Variants in ADCY5 observed in about 807,000 individuals in gnomAD.
ADCY5 encodes the protein adenylate cyclase type 5.
A neutral mutation model predicts 119.7 loss-of-function variants in ADCY5; 30 were observed. The ratio of observed to expected loss-of-function variants is 0.25; its 90% CI spans 0.19 to 0.34. ADCY5 has a LOEUF of 0.34. Among genes scored for constraint, ADCY5 ranks in the 10% least tolerant of loss-of-function variants. The probability of loss-of-function intolerance (pLI) is 1.00; values close to 1 mark genes in which losing one functional copy is unlikely to be tolerated. For synonymous variants in ADCY5, 753 were observed against 762.2 expected (o/e 0.99, Z 0.20); for missense variants, 1,324 against 1,775.2 (o/e 0.75, Z 4.57).
intron 1 of ADCY5, among the ~76,000 whole-genome samples, chr3:123,366,418 A>G (rs1267125381): frequency 6.6e-6 from 1 of 152,210 alleles, no homozygotes; most frequent in Admixed American, 6.5e-5. Flanking sequence ...TCATCTGCCA[A>G]GCTCAGGGCC....
intron 1 of ADCY5, among the ~76,000 whole-genome samples, chr3:123,384,873 G>T (rs1944165589): frequency 6.6e-6 from 1 of 152,118 alleles, no homozygotes; most frequent in South Asian, 2.1e-4. Context: ...CCCGGGAGAG[G>T]AAGGGGGACA....
chr3:123,322,818 A>G (rs951947748), intron 8 of ADCY5, among the ~76,000 whole-genome samples: 1 of 152,218 alleles, frequency 6.6e-6, no homozygotes, highest in Non-Finnish European at 1.5e-5. Flanking sequence ...AAGCTGGGTA[A>G]AAGCTGGAAA....
intron 17 of ADCY5, 65 bp downstream of exon 17, chr3:123,296,019 C>A: frequency 1.9e-6 from 3 of 1,592,848 alleles, no homozygotes; most frequent in South Asian, 1.1e-5. Context: ...AGCAGACGAG[C>A]CTGTTGTCTC....
intron 1 of ADCY5, among the ~76,000 whole-genome samples, chr3:123,399,334 C>T (rs1479667444): frequency 6.6e-6 from 1 of 152,188 alleles, no homozygotes; most frequent in African/African-American, 2.4e-5. Context: ...AAAAATACAG[C>T]TATGGAAAAA....
At chr3:123,444,047 G>A (rs1364576638) in intron 1 of ADCY5, among the ~76,000 whole-genome samples, 2 of 152,186 alleles carry the variant, frequency 1.3e-5, no homozygotes, top group African/African-American at 4.8e-5. Flanking sequence ...GTTTTTGTGT[G>A]AGTGCGTGCA....
chr3:123,330,381 C>T (rs1280512908), intron 5 of ADCY5, among the ~76,000 whole-genome samples: 2 of 152,218 alleles, frequency 1.3e-5, no homozygotes, highest in Non-Finnish European at 2.9e-5. Context: ...GGCCAAAGTG[C>T]CTTTTTGCTA....
At chr3:123,284,836 C>T in intron 20 of ADCY5, 100 bp from the exon 21 acceptor site, 13 of 1,506,402 alleles carry the variant, frequency 8.6e-6, no homozygotes, top group Non-Finnish European at 1.2e-5. Flanking sequence ...CTGTTGCCGC[C>T]CCTGACACAG....
chr3:123,338,049 G>A (rs1942100299), intron 3 of ADCY5, among the ~76,000 whole-genome samples: 1 of 152,208 alleles, frequency 6.6e-6, no homozygotes, highest in African/African-American at 2.4e-5. Flanking sequence ...CCAGGGACAT[G>A]GGGACATGAG....
chr3:123,441,992 A>AAG (rs1418465954), intron 1 of ADCY5, among the ~76,000 whole-genome samples: 3 of 151,474 alleles, frequency 2.0e-5, no homozygotes, highest in Non-Finnish European at 4.4e-5. Context: ...AAAAAAAAAA[A>AAG]AAAAGCAGGG....
At chr3:123,330,497 T>C (rs1026314028) in intron 5 of ADCY5, among the ~76,000 whole-genome samples, 3 of 152,190 alleles carry the variant, frequency 2.0e-5, no homozygotes, top group Non-Finnish European at 4.4e-5. Flanking sequence ...GAGCCCAACC[T>C]TTCACATCTG....
chr3:123,344,814 A>C (rs980484467), intron 3 of ADCY5, among the ~76,000 whole-genome samples: 9 of 152,232 alleles, frequency 5.9e-5, no homozygotes, highest in Non-Finnish European at 1.5e-5. Flanking sequence ...CTGATGTAAC[A>C]GGGAAAGAGG....
In ADCY5 at chr3:123,416,299, A is replaced by G; in HGVS notation, c.1134+31113T>C. 4.6e-6 allele frequency: 7 copies of G among 1,536,022 alleles called. No individual in the cohort carries two copies. The South Asian group carries it at 7.1e-5, about 16-fold the overall frequency. ...GGACTTACTTCCAGACGCTTCCCCAAAAAGGGGCTAAAGGCAATAACCTCC... is the reference window on the plus strand; with the variant it reads ...GGACTTACTTCCAGACGCTTCCCCAGAAAGGGGCTAAAGGCAATAACCTCC... On this transcript the variant is annotated intron_variant, in intron 1 of 20. Coordinates refer to ENST00000462833, the MANE Select transcript of ADCY5 (RefSeq NM_183357.3).
chr3:123,390,723 G>C (rs1449613182), intron 1 of ADCY5, among the ~76,000 whole-genome samples: 3 of 152,208 alleles, frequency 2.0e-5, no homozygotes, highest in Admixed American at 6.5e-5. Context: ...GGCCATCAAG[G>C]CTGCAGGTGC....
chr3:123,411,445 G>A (rs1057080736), intron 1 of ADCY5, among the ~76,000 whole-genome samples: 8 of 152,158 alleles, frequency 5.3e-5, no homozygotes, highest in African/African-American at 1.9e-4. Flanking sequence ...TCGGCACCTA[G>A]GGGAGGTAAC....
rs774125963 is a variant in ADCY5, at chr3:123,318,073, A to C, written c.2301T>G (p.Cys767Trp). 2 of 1,613,958 alleles carry C rather than the reference A, an allele frequency of 1.2e-6. No individual in the cohort carries two copies. The highest frequency in any genetic ancestry group is 8.5e-7 in the Non-Finnish European group (1 of 1,179,958). Residue 767 changes from cysteine (C) to tryptophan (W), a missense_variant, in exon 11 of 21, where the codon TGT (cysteine) becomes TGG (tryptophan). This residue lies in a region of ADCY5 where 424 missense variants were observed against 546.8 expected (regional missense o/e 0.78). Transcript: ENST00000462833. ...VDDRFGAYVACASLVFLFICF... is the reference protein window; with the variant it reads ...VDDRFGAYVAWASLVFLFICF... The stretch of plus-strand genomic sequence containing the variant: ...AGATGAAGAGGAAGACGAGCGAGGC[A>C]CACGCCACATAGGCACCAAATCGGT...
intron 12 of ADCY5, among the ~76,000 whole-genome samples, chr3:123,305,023 A>G (rs1940124164): frequency 6.6e-6 from 1 of 152,102 alleles, no homozygotes; most frequent in Non-Finnish European, 1.5e-5. Context: ...TCTGCTACAG[A>G]CAAGCTAGGT....
At chr3:123,419,258 C>T (rs1345480089) in intron 1 of ADCY5, 4 of 978,158 alleles carry the variant, frequency 4.1e-6, no homozygotes, top group African/African-American at 1.8e-5. Flanking sequence ...TCCACGCGCC[C>T]CCACAGGCCA....
At chr3:123,397,468 C>T (rs1038197079) in intron 1 of ADCY5, among the ~76,000 whole-genome samples, 1 of 152,228 alleles carries the variant, frequency 6.6e-6, no homozygotes, top group Admixed American at 6.5e-5. Flanking sequence ...AAGACTCTGT[C>T]TCTACAAAAA....
chr3:123,346,649 A>T (rs111837143), intron 3 of ADCY5, among the ~76,000 whole-genome samples: 1 of 94,904 alleles, frequency 1.1e-5, no homozygotes, highest in Non-Finnish European at 2.7e-5. Flanking sequence ...CTCTGTGTGT[A>T]TGTGTGTGTG....
Sources: gnomAD v4.1 joint callset for allele counts (sites outside exome capture counted in the v4.1 genomes callset) on GRCh38, gnomAD v4.1.1 for gene constraint, gnomAD v4.1.1 regional missense constraint, MANE v1.5 for transcripts, NCBI Gene and HGNC (gene_info 2026-07-23, HGNC 2026-07-21) for gene names.